The following JRKL variants were observed in gnomAD, a reference collection of about 807,000 sequenced individuals.
JRKL encodes the protein jerky protein homolog-like.
JRKL carries 25 observed loss-of-function variants against 34.7 expected under a neutral mutation model. The observed-to-expected ratio is 0.72, with a 90% CI of 0.53 to 1.01. JRKL has a LOEUF of 1.01. Ranked by LOEUF, JRKL falls within the 50% of genes least tolerant of loss-of-function variation. The probability of loss-of-function intolerance (pLI) is 0.00; values close to 1 mark genes in which losing one functional copy is unlikely to be tolerated. For missense variants in JRKL, 495 were observed against 615.7 expected (o/e 0.80, Z 2.07); for synonymous variants, 204 against 212.8 (o/e 0.96, Z 0.36).
rs1336304093 is a variant in JRKL at position 96,390,872 on chromosome 11, A to C, written c.223A>C (p.Met75Leu). Residue 75 changes from methionine (M) to leucine (L), a missense_variant, in exon 2 of 2, where the codon ATG becomes CTG. Transcript: ENST00000332349. Reference protein sequence around the residue: ...LAKRKSMKPSMYEELDRAMLE... With the variant: ...LAKRKSMKPSLYEELDRAMLE... Reference sequence around the variant, plus strand: ...CAAGAGGAAATCTATGAAGCCATCCATGTATGAGGAATTGGACAGGGCAAT... The same window carrying C: ...CAAGAGGAAATCTATGAAGCCATCCCTGTATGAGGAATTGGACAGGGCAAT... 6.2e-7 allele frequency: 1 copy of C among 1,614,150 alleles called. No individual in the cohort carries two copies. Among genetic ancestry groups the C allele is most frequent in the Non-Finnish European group, 8.5e-7 (1 of 1,180,006 alleles).
In JRKL at chr11:96,390,894, C is replaced by CA; in HGVS notation, c.247dup (p.Met83AsnfsTer36). The CA allele has an allele frequency of 6.2e-7, 1 of 1,614,202 alleles. No individual in the cohort carries two copies. Among genetic ancestry groups the CA allele is most frequent in the South Asian group, 1.1e-5 (1 of 91,076 alleles). ...TCCATGTATGAGGAATTGGACAGGG[C>CA]AATGCTGGAATGGTTCAACCAGCAA... On this transcript the variant is annotated frameshift_variant, in exon 2 of 2. Transcript: ENST00000332349. LOFTEE classifies it low-confidence loss of function (END_TRUNC).
rs1310987058 is a variant in JRKL, at chr11:96,391,743, C to T, written c.1094C>T (p.Ala365Val). ...TGGAAGAAGCTAACTCTGTTGGATG[C>T]ACTTTATGAAATAGCAATGGCATGG... ...SFWKKLTLLD[A>V]LYEIAMAWNL... The change falls in exon 2 of 2, where the codon GCA (alanine) becomes GTA (valine). Residue 365 changes from alanine (A) to valine (V), a missense_variant. Transcript: ENST00000332349. 5 of 1,614,008 alleles carry T rather than the reference C, an allele frequency of 3.1e-6. No individual in the cohort carries two copies. Among genetic ancestry groups the T allele is most frequent in the South Asian group, 2.2e-5 (2 of 91,090 alleles).
At chr11:96,390,368 A>G (rs1591239569) in intron 1 of JRKL, 115 bp from the exon 2 acceptor site, 1 of 311,132 alleles carries the variant, frequency 3.2e-6, no homozygotes, top group East Asian at 6.0e-5. Flanking sequence ...GGGTAATAAA[A>G]CACATGCTTT....
At chr11:96,390,421 C>T in intron 1 of JRKL, 62 bp from the exon 2 acceptor site, 2 of 443,510 alleles carry the variant, frequency 4.5e-6, no homozygotes, top group South Asian at 4.7e-5. Flanking sequence ...CCGCTACTGC[C>T]CGTATAAGTT....
rs755940620 is a variant in JRKL at position 96,392,054 on chromosome 11, G to C, written c.1405G>C (p.Glu469Gln). The part of the protein sequence containing the change: ...ESSENEEEEI[E>Q]LIPEKHINHA... ...CAGTGAAAATGAGGAGGAGGAAATA[G>C]AACTAATTCCAGAGAAACATATTAA... The change falls in exon 2 of 2, where the codon GAA (glutamate) becomes CAA (glutamine). Residue 469 changes from glutamate to glutamine, a missense_variant. By Grantham distance (29) the Glu-to-Gln change is conservative (BLOSUM62 2). Transcript: ENST00000332349. 2.7e-5 allele frequency: 44 copies of C among 1,613,940 alleles called. No homozygotes were observed. The highest frequency in any genetic ancestry group is 3.7e-5 in the Non-Finnish European group (44 of 1,179,968).
In JRKL at chr11:96,391,112, TTTTG is replaced by T. The variant is rs1339993849; in HGVS notation, c.465_468del (p.Phe155LeufsTer37). The stretch of plus-strand genomic sequence containing the variant: ...TGGAGATGAGACTGCGGTGGAAGAT[TTTTG>T]TAATAACTTTCGAGATTTTATTGAA... On this transcript the variant is annotated frameshift_variant, in exon 2 of 2. Transcript: ENST00000332349. LOFTEE classifies it high-confidence loss of function. The T allele has an allele frequency of 6.2e-7, 1 of 1,613,772 alleles. No individual in the cohort carries two copies. The highest frequency in any genetic ancestry group is 8.5e-7 in the Non-Finnish European group (1 of 1,179,896).
Position 96,390,626 on chromosome 11 carries a change from T to TG in JRKL, c.-20dup, listed in dbSNP as rs758609812. On this transcript the variant is annotated 5_prime_UTR_variant, in exon 2 of 2. Coordinates refer to ENST00000332349, the MANE Select transcript of JRKL (RefSeq NM_001261833.2). The stretch of plus-strand genomic sequence containing the variant: ...TTTGTGGATTGCTACATTGTGAGTG[T>TG]GGGGTGAGTCCCAGAACCTCGCTAT... The TG allele has an allele frequency of 1.3e-6, 2 of 1,550,046 alleles. No homozygotes were observed. The highest frequency in any genetic ancestry group is 1.7e-6 in the Non-Finnish European group (2 of 1,156,154).
intron 1 of JRKL, 80 bp from the exon 2 acceptor site, chr11:96,390,403 T>C: frequency 2.5e-6 from 1 of 401,874 alleles, no homozygotes; most frequent in South Asian, 5.4e-5. Flanking sequence ...CGCGGTGACA[T>C]GGGGCCTCCG....
Position 96,392,399 on chromosome 11 carries a change from T to C in JRKL, c.*175T>C, listed in dbSNP as rs1866559500. On this transcript the variant is annotated 3_prime_UTR_variant, in exon 2 of 2. Transcript: ENST00000332349. ...TTCATCATCTGTGTCTTTTGTCCTT[T>C]TATTTGTACAGATAATCAGAAGATG... The C allele has an allele frequency of 1.1e-6, 1 of 909,890 alleles. No individual in the cohort carries two copies. Among genetic ancestry groups the C allele is most frequent in the Admixed American group, 3.5e-5 (1 of 28,302 alleles). 56.4% of individuals were successfully genotyped at this position (909,890 alleles called of 1,614,324 possible).
chr11:96,391,408 AG>A lies in JRKL; in HGVS notation c.761del (p.Gly254ValfsTer25). 6.4e-7 allele frequency: 1 copy of A among 1,551,758 alleles called. No individual in the cohort carries two copies. The highest frequency in any genetic ancestry group is 8.7e-7 in the Non-Finnish European group (1 of 1,147,006). On this transcript the variant is annotated frameshift_variant, in exon 2 of 2. Transcript: ENST00000332349. LOFTEE classifies it high-confidence loss of function. The stretch of plus-strand genomic sequence containing the variant: ...TGCCAGTCTCTTATTTCAGCCAAAA[AG>A]GTGCATGGATGGATCTTTCCATTTT... ...NLPVSYFSQK[G>X]AWMDLSIFRQ...
In JRKL at chr11:96,391,392, CTT is replaced by C. The variant is rs1473759872; in HGVS notation, c.744_745del (p.Tyr249PhefsTer18). 1 of 1,551,694 alleles carries C rather than the reference CTT, an allele frequency of 6.4e-7. No homozygotes were observed. The highest frequency in any genetic ancestry group is 8.7e-7 in the Non-Finnish European group (1 of 1,147,008). On this transcript the variant is annotated frameshift_variant, in exon 2 of 2. Coordinates refer to ENST00000332349, the MANE Select transcript of JRKL (RefSeq NM_001261833.2). LOFTEE classifies it high-confidence loss of function. ...ACTGACACCTTAAACCTGCCAGTCT[CTT>C]ATTTCAGCCAAAAAGGTGCATGGAT...
chr11:96,392,185 C>A lies in JRKL; in HGVS notation c.1536C>A (p.Thr512=), dbSNP rs747223356. 1.4e-5 allele frequency: 23 copies of A among 1,598,332 alleles called. No individual in the cohort carries two copies. The highest frequency in any genetic ancestry group is 1.1e-4 in the Admixed American group (6 of 56,778). Residue 512 remains threonine, a synonymous_variant, in exon 2 of 2, where the codon ACC becomes ACA. Transcript: ENST00000332349. ...DRLVIRKLRA[T]IRNKQKMTKS... The stretch of plus-strand genomic sequence containing the variant: ...TGGTAATACGTAAACTTCGAGCCAC[C>A]ATCAGAAATAAACAGAAGATGACAA...
chr11:96,392,918 C>A lies in JRKL; in HGVS notation c.*694C>A, dbSNP rs1490548692. 6.0e-6 allele frequency: 1 copy of A among 166,708 alleles called. No individual in the cohort carries two copies. The highest frequency in any genetic ancestry group is 1.5e-5 in the Non-Finnish European group (1 of 68,012). 10.3% of individuals were successfully genotyped at this position (166,708 alleles called of 1,614,324 possible). A position where few individuals can be genotyped will look rare whatever the true frequency, so the allele number is the denominator to read the frequency against. ...TTGTAGGAAACTGGGAAATAAAAAC[C>A]TGGGGAACTTTAGGTTATTTATACA... On this transcript the variant is annotated 3_prime_UTR_variant, in exon 2 of 2. Transcript: ENST00000332349.
rs1866527375 is a variant in JRKL, at chr11:96,391,246, C to T, written c.597C>T (p.Val199=). 2 of 1,551,760 alleles carry T rather than the reference C, an allele frequency of 1.3e-6. No homozygotes were observed. The highest frequency in any genetic ancestry group is 2.0e-5 in the Admixed American group (1 of 51,020). Residue 199 remains valine, a synonymous_variant, in exon 2 of 2, where the codon GTC becomes GTT. Transcript: ENST00000332349. Reference sequence around the variant, plus strand: ...CAGTAATCAAAGGTAAATGCACTGTCCCTGGGCACAAATCAATTGAAGAAA... The same window carrying T: ...CAGTAATCAAAGGTAAATGCACTGTTCCTGGGCACAAATCAATTGAAGAAA... ...RISVIKGKCT[V]PGHKSIEERV...
rs1866513492 is a variant in JRKL, at chr11:96,390,886, G to A, written c.237G>A (p.Leu79=). ...KSMKPSMYEE[L]DRAMLEWFNQ... is the part of the protein sequence containing the mutation. ...TGAAGCCATCCATGTATGAGGAATT[G>A]GACAGGGCAATGCTGGAATGGTTCA... Residue 79 remains leucine, a synonymous_variant, in exon 2 of 2, where the codon TTG becomes TTA. Coordinates refer to ENST00000332349, the MANE Select transcript of JRKL (RefSeq NM_001261833.2). 2 of 1,614,166 alleles carry A rather than the reference G, an allele frequency of 1.2e-6. No homozygotes were observed. Among genetic ancestry groups the A allele is most frequent in the Middle Eastern group, 1.6e-4 (1 of 6,062 alleles).
At position 96,391,145 on chromosome 11, in the gene JRKL, G is replaced by C; in HGVS notation, c.496G>C (p.Glu166Gln). ...TAACTTTCGAGATTTTATTGAACGA[G>C]AGAATTTACAGCCTGAACAAATCTA... ...CNNFRDFIER[E>Q]NLQPEQIYNA... The change falls in exon 2 of 2, where the codon GAG (glutamate) becomes CAG (glutamine). Residue 166 changes from glutamate to glutamine, a missense_variant. By Grantham distance (29) the Glu-to-Gln change is conservative (BLOSUM62 2). Coordinates refer to ENST00000332349, the MANE Select transcript of JRKL (RefSeq NM_001261833.2). The C allele has an allele frequency of 6.2e-7, 1 of 1,601,472 alleles. No homozygotes were observed. Among genetic ancestry groups the C allele is most frequent in the Non-Finnish European group, 8.5e-7 (1 of 1,172,578 alleles).
chr11:96,391,396 T>G lies in JRKL; in HGVS notation c.747T>G (p.Tyr249Ter), dbSNP rs1163745320. The G allele has an allele frequency of 2.6e-5, 40 of 1,551,728 alleles. No homozygotes were observed. Among genetic ancestry groups the G allele is most frequent in the Non-Finnish European group, 3.5e-5 (40 of 1,147,004 alleles). The change falls in exon 2 of 2, where the codon TAT (tyrosine) becomes TAG (stop). Residue 249 changes from tyrosine to a stop codon, truncating the protein, a stop_gained. Transcript: ENST00000332349. LOFTEE classifies it high-confidence loss of function. ...STDTLNLPVS[Y>*]FSQKGAWMDL... ...ACACCTTAAACCTGCCAGTCTCTTA[T>G]TTCAGCCAAAAAGGTGCATGGATGG...
Position 96,391,118 on chromosome 11 carries a change from A to G in JRKL, c.469A>G (p.Asn157Asp). The change falls in exon 2 of 2, where the codon AAT (asparagine) becomes GAT (aspartate). Residue 157 changes from asparagine (N) to aspartate (D), a missense_variant. Coordinates refer to ENST00000332349, the MANE Select transcript of JRKL (RefSeq NM_001261833.2). Reference sequence around the variant, plus strand: ...TGAGACTGCGGTGGAAGATTTTTGTAATAACTTTCGAGATTTTATTGAACG... The same window carrying G: ...TGAGACTGCGGTGGAAGATTTTTGTGATAACTTTCGAGATTTTATTGAACG... Reference protein sequence around the residue: ...GDETAVEDFCNNFRDFIEREN... With the variant: ...GDETAVEDFCDNFRDFIEREN... The G allele has an allele frequency of 6.2e-7, 1 of 1,613,438 alleles. No individual in the cohort carries two copies. Among genetic ancestry groups the G allele is most frequent in the Non-Finnish European group, 8.5e-7 (1 of 1,179,608 alleles).
Position 96,393,446 on chromosome 11 carries a change from C to G in JRKL, c.*1222C>G, listed in dbSNP as rs1239578101. On this transcript the variant is annotated 3_prime_UTR_variant, in exon 2 of 2. Coordinates refer to ENST00000332349, the MANE Select transcript of JRKL (RefSeq NM_001261833.2). ...AGTATGTTTATTCAAGACATTGAAA[C>G]TACTTTGCACATATGAATATTAATG... 7.9e-6 allele frequency among the ~76,000 whole-genome samples: 1 copy of G among 126,410 alleles called. No individual in the cohort carries two copies. The highest frequency in any genetic ancestry group is 1.6e-5 in the Non-Finnish European group (1 of 61,688). 82.9% of individuals were successfully genotyped at this position (126,410 alleles called of 152,430 possible).
Sources: allele counts gnomAD v4.1 joint callset (sites outside exome capture counted in the v4.1 genomes callset), GRCh38; gene constraint gnomAD v4.1.1; transcripts MANE v1.5; gene names NCBI Gene and HGNC (gene_info 2026-07-23, HGNC 2026-07-21).